Variants in FOXJ2 observed in about 807,000 individuals in gnomAD.
FOXJ2 encodes the protein forkhead box J2.
FOXJ2 carries 18 observed loss-of-function variants against 68.4 expected under a neutral mutation model. That is an observed-to-expected ratio of 0.26 (90% CI 0.18 to 0.39). FOXJ2 has a LOEUF of 0.39. Ranked by LOEUF, FOXJ2 falls within the 10% of genes least tolerant of loss-of-function variation. The probability of loss-of-function intolerance (pLI) is 1.00; values close to 1 mark genes in which losing one functional copy is unlikely to be tolerated. For synonymous variants in FOXJ2, 274 were observed against 263.2 expected, an observed-to-expected ratio of 1.04 and a Z score of -0.40; for missense variants, 670 against 726.5, an observed-to-expected ratio of 0.92 and a Z score of 0.89.
chr12:8,049,575 CT>C lies in FOXJ2; in HGVS notation c.1537+5del. ...CAGGAGTCAGCCATGAGCCAAGGTA[CT>C]GCACCAAGCCAGTTGCCATGGAGGT... On this transcript the variant is annotated splice_donor_5th_base_variant and intron_variant, in intron 9 of 10. Transcript: ENST00000162391. 1 of 1,571,212 alleles carries C rather than the reference CT, an allele frequency of 6.4e-7. No homozygotes were observed. Among genetic ancestry groups the C allele is most frequent in the Non-Finnish European group, 8.7e-7 (1 of 1,153,392 alleles).
chr12:8,039,781 C>G (rs1287771191), intron 1 of FOXJ2, 38 bp from the exon 2 acceptor site: 1 of 1,510,490 alleles, frequency 6.6e-7, no homozygotes, highest in African/African-American at 1.4e-5. Flanking sequence ...GTATTACTTG[C>G]CCCCAGTATT....
At chr12:8,034,285 G>A (rs1253875572) in intron 1 of FOXJ2, among the ~76,000 whole-genome samples, 3 of 152,162 alleles carry the variant, frequency 2.0e-5, no homozygotes, top group Non-Finnish European at 4.4e-5. Context: ...AGGGCATGCC[G>A]AGGTCAGCTT....
rs756022459 is a variant in FOXJ2 at position 8,039,943 on chromosome 12, G to A, written c.111G>A (p.Gly37=). 10 of 1,614,032 alleles carry A rather than the reference G, an allele frequency of 6.2e-6. No individual in the cohort carries two copies. The highest frequency in any genetic ancestry group is 1.7e-5 in the Admixed American group (1 of 60,004). ...LGSASQAGPP[G]SSRKCSPGSP... is the part of the protein sequence containing the mutation. ...GTGCCTCCCAGGCTGGGCCTCCCGG[G>A]AGCAGCCGCAAGTGTTCACCAGGGT... The change falls in exon 2 of 11, where the codon GGG becomes GGA. Residue 37 remains glycine, a synonymous_variant. Coordinates refer to ENST00000162391, the MANE Select transcript of FOXJ2 (RefSeq NM_018416.3).
chr12:8,047,856 C>G (rs1947058675), intron 6 of FOXJ2, 26 bp from the exon 7 acceptor site: 1 of 1,549,654 alleles, frequency 6.5e-7, no homozygotes, highest in Non-Finnish European at 8.7e-7. Context: ...GCTTAAGTCA[C>G]TTGCCTGCTT....
intron 10 of FOXJ2, among the ~76,000 whole-genome samples, chr12:8,051,208 C>T (rs1379894115): frequency 6.6e-6 from 1 of 151,142 alleles, no homozygotes; most frequent in East Asian, 2.0e-4. Flanking sequence ...CAGCTCACTA[C>T]AACCTCCACC....
intron 5 of FOXJ2, 102 bp from the exon 6 acceptor site, chr12:8,044,658 C>T (rs1451216103): frequency 2.5e-6 from 3 of 1,190,040 alleles, no homozygotes; most frequent in Admixed American, 2.0e-5. Flanking sequence ...AAGAGCTAGG[C>T]GAGGATGAAG....
At position 8,055,034 on chromosome 12, in the gene FOXJ2, C is replaced by T. The variant is rs1947170009; in HGVS notation, c.*2184C>T. 6.6e-6 allele frequency: 1 copy of T among 152,260 alleles called. No individual in the cohort carries two copies. Among genetic ancestry groups the T allele is most frequent in the South Asian group, 2.1e-4 (1 of 4,830 alleles). The allele number at this position is 152,260 out of a possible 1,614,324, so 9.4% of individuals were successfully genotyped here. On this transcript the variant is annotated 3_prime_UTR_variant, in exon 11 of 11. Transcript: ENST00000162391. The stretch of plus-strand genomic sequence containing the variant: ...GGGTAGCTGAAGTTTGGGTCTGGGA[C>T]TGGAGATTGGCCATTAGGCCTCCTG...
intron 1 of FOXJ2, among the ~76,000 whole-genome samples, chr12:8,034,084 A>G (rs965080360): frequency 2.0e-5 from 3 of 152,158 alleles, no homozygotes; most frequent in African/African-American, 7.2e-5. Context: ...AGGGAAGTGG[A>G]TGTTTTCATG....
intron 3 of FOXJ2, 55 bp from the exon 4 acceptor site, chr12:8,043,646 G>T: frequency 1.1e-5 from 17 of 1,555,320 alleles, no homozygotes; most frequent in Non-Finnish European, 1.5e-5. Flanking sequence ...CCAGAACCCT[G>T]GGAGGTTCTG....
rs1474223274 is a variant in FOXJ2 at position 8,033,128 on chromosome 12, C to G, written c.-720C>G. On this transcript the variant is annotated 5_prime_UTR_variant, in exon 1 of 11. Coordinates refer to ENST00000162391, the MANE Select transcript of FOXJ2 (RefSeq NM_018416.3). ...CTCCTGCCTAGAGGCGAGGAAGACC[C>G]CTGTACTGGCCGGGGAGGAGACCCC... is the stretch of plus-strand genomic sequence containing the variant. 8.5e-6 allele frequency: 3 copies of G among 355,006 alleles called. No individual in the cohort carries two copies. Among genetic ancestry groups the G allele is most frequent in the Non-Finnish European group, 1.0e-5 (2 of 198,680 alleles). The allele number at this position is 355,006 out of a possible 1,614,324, so 22.0% of individuals were successfully genotyped here. A position where few individuals can be genotyped will look rare whatever the true frequency, so the allele number is the denominator to read the frequency against.
chr12:8,048,053 T>C lies in FOXJ2; in HGVS notation c.989T>C (p.Val330Ala), dbSNP rs1947063473. The C allele has an allele frequency of 6.2e-6, 10 of 1,613,000 alleles. No homozygotes were observed. The highest frequency in any genetic ancestry group is 1.7e-5 in the Admixed American group (1 of 59,948). ...QQAPAQGPSA[V>A]GGAPPLHTPS... ...GCACCTGCCCAGGGCCCCTCAGCTG[T>C]AGGGGGTGCTCCTCCACTGCACACC... Residue 330 changes from valine to alanine, a missense_variant, in exon 7 of 11, where the codon GTA (valine) becomes GCA (alanine). Physicochemically the swap from Val to Ala is moderately conservative, Grantham distance 64. Around this residue, in one of 2 missense-constraint regions of FOXJ2, gnomAD observed 555 missense variants for 562.2 expected, o/e 0.99. Coordinates refer to ENST00000162391, the MANE Select transcript of FOXJ2 (RefSeq NM_018416.3).
chr12:8,047,950 C>G lies in FOXJ2; in HGVS notation c.886C>G (p.Pro296Ala), dbSNP rs759638391. The G allele has an allele frequency of 1.2e-6, 2 of 1,613,330 alleles. No homozygotes were observed. The highest frequency in any genetic ancestry group is 2.7e-5 in the African/African-American group (2 of 74,892). Residue 296 changes from proline (P) to alanine (A), a missense_variant, in exon 7 of 11, where the codon CCG becomes GCG. By Grantham distance (27) the Pro-to-Ala change is conservative (BLOSUM62 -1). Transcript: ENST00000162391. The part of the protein sequence containing the change: ...NYYMYQQQQP[P>A]PPQQQQQQQQ... ...CTACATGTATCAGCAGCAGCAGCCA[C>G]CGCCACCTCAACAGCAGCAGCAGCA...
intron 6 of FOXJ2, among the ~76,000 whole-genome samples, chr12:8,045,283 A>G (rs191283628): frequency 7.6e-4 from 115 of 151,426 alleles, no homozygotes; most frequent in Middle Eastern, 3.4e-3. Context: ...CAGTGGCGCA[A>G]TCTCGGCTCA....
At chr12:8,041,162 G>A (rs922276324) in intron 2 of FOXJ2, among the ~76,000 whole-genome samples, 7 of 151,910 alleles carry the variant, frequency 4.6e-5, no homozygotes, top group African/African-American at 1.5e-4. Flanking sequence ...CATGTAGTGA[G>A]TTGGAGACTA....
chr12:8,054,194 C>G lies in FOXJ2; in HGVS notation c.*1344C>G, dbSNP rs1048428810. On this transcript the variant is annotated 3_prime_UTR_variant, in exon 11 of 11. Coordinates refer to ENST00000162391, the MANE Select transcript of FOXJ2 (RefSeq NM_018416.3). ...AGTAAATAATCTAGAGGCAAGAGTTCAGTGAGGGCCAAGGGGGACCCCCAG... is the reference window on the plus strand; with the variant it reads ...AGTAAATAATCTAGAGGCAAGAGTTGAGTGAGGGCCAAGGGGGACCCCCAG... 7.9e-5 allele frequency: 12 copies of G among 152,196 alleles called. No homozygotes were observed. The highest frequency in any genetic ancestry group is 2.9e-5 in the Non-Finnish European group (2 of 68,036). The allele number at this position is 152,196 out of a possible 1,614,324, so 9.4% of individuals were successfully genotyped here. A position where few individuals can be genotyped will look rare whatever the true frequency, so the allele number is the denominator to read the frequency against.
At chr12:8,041,123 C>G (rs909665868) in intron 2 of FOXJ2, among the ~76,000 whole-genome samples, 1 of 152,064 alleles carries the variant, frequency 6.6e-6, no homozygotes, top group Non-Finnish European at 1.5e-5. Context: ...AGTTCTCTCA[C>G]TCTATAAATC....
chr12:8,047,742 G>T, intron 6 of FOXJ2, 140 bp from the exon 7 acceptor site: 1 of 1,146,946 alleles, frequency 8.7e-7, no homozygotes, highest in East Asian at 2.4e-5. Flanking sequence ...GGGCCACAGG[G>T]ATCTTTGCTG....
At chr12:8,050,742 T>C (rs941254367) in intron 10 of FOXJ2, 122 bp downstream of exon 10, 3 of 1,116,590 alleles carry the variant, frequency 2.7e-6, no homozygotes, top group African/African-American at 3.1e-5. Flanking sequence ...AATGAGCCTT[T>C]ATAATTCCCA....
rs1428465247 is a variant in FOXJ2, at chr12:8,048,068, C to T, written c.1004C>T (p.Pro335Leu). Residue 335 changes from proline to leucine, a missense_variant, in exon 7 of 11, where the codon CCA becomes CTA. Pro to Leu is a moderately conservative substitution (Grantham distance 98). This residue lies in a region of FOXJ2 where 555 missense variants were observed against 562.2 expected (regional missense o/e 0.99). Coordinates refer to ENST00000162391, the MANE Select transcript of FOXJ2 (RefSeq NM_018416.3). ...CCCTCAGCTGTAGGGGGTGCTCCTCCACTGCACACCCCAAGCACAGATGGT... is the reference window on the plus strand; with the variant it reads ...CCCTCAGCTGTAGGGGGTGCTCCTCTACTGCACACCCCAAGCACAGATGGT... ...QGPSAVGGAPPLHTPSTDGCT... is the reference protein window; with the variant it reads ...QGPSAVGGAPLLHTPSTDGCT... 6.2e-7 allele frequency: 1 copy of T among 1,612,260 alleles called. No homozygotes were observed. The highest frequency in any genetic ancestry group is 8.5e-7 in the Non-Finnish European group (1 of 1,178,810).
Sources: gnomAD v4.1 joint callset for allele counts (sites outside exome capture counted in the v4.1 genomes callset) on GRCh38, gnomAD v4.1.1 for gene constraint, gnomAD v4.1.1 regional missense constraint, MANE v1.5 for transcripts, NCBI Gene and HGNC (gene_info 2026-07-23, HGNC 2026-07-21) for gene names.